The following JAKMIP1 variants were observed in gnomAD, a reference collection of about 807,000 sequenced individuals.
The protein encoded by JAKMIP1 is janus kinase and microtubule-interacting protein 1.
A neutral mutation model predicts 113.0 loss-of-function variants in JAKMIP1; 33 were observed. The ratio of observed to expected loss-of-function variants is 0.29; its 90% confidence interval spans 0.22 to 0.39. The LOEUF (loss-of-function observed/expected upper bound fraction) is 0.39, where lower values mean the gene tolerates loss of function less well. JAKMIP1 is among the 10% of genes least tolerant of loss of function. The pLI is 1.00. For missense variants in JAKMIP1, 813 were observed against 1,080.5 expected (o/e 0.75, Z 3.47); for synonymous variants, 480 against 459.9 (o/e 1.04, Z -0.56).
intron 3 of JAKMIP1, among the ~76,000 whole-genome samples, chr4:6,096,982 T>C (rs1440976588): frequency 2.6e-5 from 4 of 152,194 alleles, no homozygotes; most frequent in African/African-American, 9.6e-5. Context: ...TTGTTTGGCA[T>C]CACCATCATT....
At position 6,162,936 on chromosome 4, in the gene JAKMIP1, A is replaced by G. The variant is rs1000274003; in HGVS notation, c.-148+37317T>C. Among the ~76,000 whole-genome samples the G allele has an allele frequency of 1.3e-5, 2 of 152,200 alleles. No homozygotes were observed. Among genetic ancestry groups the G allele is most frequent in the African/African-American group, 2.4e-5 (1 of 41,460 alleles). On this transcript the variant is annotated intron_variant, in intron 1 of 20. Transcript: ENST00000409021. This position sits in a 1 kb window ranked among gnomAD's most constrained non-coding sequence, Gnocchi z 5.6. ...CAAGGCTTCCAGGCAAAGCCTCATC[A>G]TGACCATGTGAGGCCACAGCATCAG...
chr4:6,048,799 T>G (rs1180585551), intron 16 of JAKMIP1, 58 bp downstream of exon 16: 30 of 1,436,428 alleles, frequency 2.1e-5, no homozygotes, highest in Non-Finnish European at 2.9e-5. Context: ...TACAGTTTCT[T>G]GTATGGTGCT....
intron 3 of JAKMIP1, among the ~76,000 whole-genome samples, chr4:6,102,714 T>C (rs1713249580): frequency 7.0e-6 from 1 of 143,214 alleles, no homozygotes; most frequent in South Asian, 2.3e-4. Context: ...TTTCTCCCTC[T>C]CTAAAGACTT....
rs200201275 is a variant in JAKMIP1, at chr4:6,052,214, AT to A, written c.1807-1536del. 6.9e-3 allele frequency among the ~76,000 whole-genome samples: 887 copies of A among 128,742 alleles called. 4 individuals carry two copies. The highest frequency in any genetic ancestry group is 0.039 in the African/African-American group (830 of 21,318). The allele number at this position is 128,742 out of a possible 152,430, so 84.5% of individuals were successfully genotyped here. A position where few individuals can be genotyped will look rare whatever the true frequency, so the allele number is the denominator to read the frequency against. Reference sequence around the variant, plus strand: ...CCCTTATTAGCCAAAATTTAAAAAAATAAAATAAAAAAAAAACAAGCAAAAA... The same window carrying A: ...CCCTTATTAGCCAAAATTTAAAAAAAAAAATAAAAAAAAAACAAGCAAAAA... On this transcript the variant is annotated intron_variant, in intron 13 of 20. Coordinates refer to ENST00000409021, the MANE Select transcript of JAKMIP1 (RefSeq NM_001099433.2).
rs4689342 is a variant in JAKMIP1 at position 6,134,707 on chromosome 4, C to A, written c.-147-21710G>T. Among the ~76,000 whole-genome samples, 355 of 152,318 alleles carry A rather than the reference C, an allele frequency of 2.3e-3. 8 individuals are homozygous for A. Among genetic ancestry groups the A allele is most frequent in the Admixed American group, 0.021 (321 of 15,302 alleles). ...AGCCTGGCTCGGTGTCTGCCAGAAT[C>A]AAAGCAGCTCTTGAGTGCCTGTGAA... On this transcript the variant is annotated intron_variant, in intron 1 of 20. Transcript: ENST00000409021.
intron 3 of JAKMIP1, among the ~76,000 whole-genome samples, chr4:6,101,340 A>G (rs1317542469): frequency 6.6e-6 from 1 of 152,038 alleles, no homozygotes; most frequent in African/African-American, 2.4e-5. Context: ...GTCCATTGAA[A>G]GATCATCCTC....
chr4:6,098,010 A>G (rs1031121734), intron 3 of JAKMIP1, among the ~76,000 whole-genome samples: 1 of 152,246 alleles, frequency 6.6e-6, no homozygotes, highest in African/African-American at 2.4e-5. Context: ...AGAGATAACA[A>G]AAGTGTAGTG....
chr4:6,143,204 G>T lies in JAKMIP1; in HGVS notation c.-147-30207C>A, dbSNP rs1038192286. On this transcript the variant is annotated intron_variant, in intron 1 of 20. Coordinates refer to ENST00000409021, the MANE Select transcript of JAKMIP1 (RefSeq NM_001099433.2). This position sits in a 1 kb window ranked among gnomAD's most constrained non-coding sequence, Gnocchi z 4.9. ...ACGCACAGCACCTTGCACAGTGCCT[G>T]GTGCGTGGTAGAGTTTGCAGAAAGC... Among the ~76,000 whole-genome samples the T allele has an allele frequency of 6.6e-6, 1 of 152,166 alleles. No individual in the cohort carries two copies. The highest frequency in any genetic ancestry group is 1.5e-5 in the Non-Finnish European group (1 of 68,028).
intron 17 of JAKMIP1, among the ~76,000 whole-genome samples, chr4:6,041,695 C>T (rs1714332226): frequency 6.6e-6 from 1 of 152,224 alleles, no homozygotes; most frequent in African/African-American, 2.4e-5. Context: ...TCCCATTCAT[C>T]AATGAGAAAA....
rs1456245588 is a variant in JAKMIP1, at chr4:6,167,509, G to A, written c.-148+32744C>T. Reference sequence around the variant, plus strand: ...ATGGTGTCACAGCTGTGCAACCTGGGCCACTGCAAAGGGCCCTGAGCTTTG... The same window carrying A: ...ATGGTGTCACAGCTGTGCAACCTGGACCACTGCAAAGGGCCCTGAGCTTTG... On this transcript the variant is annotated intron_variant, in intron 1 of 20. Coordinates refer to ENST00000409021, the MANE Select transcript of JAKMIP1 (RefSeq NM_001099433.2). The surrounding 1 kb of genome is among the most constrained non-coding windows in gnomAD (Gnocchi z 5.3). Among the ~76,000 whole-genome samples, 2 of 152,168 alleles carry A rather than the reference G, an allele frequency of 1.3e-5. No individual in the cohort carries two copies. Among genetic ancestry groups the A allele is most frequent in the Non-Finnish European group, 2.9e-5 (2 of 68,034 alleles).
At chr4:6,144,134 A>T (rs1279339602) in intron 1 of JAKMIP1, among the ~76,000 whole-genome samples, 1 of 152,144 alleles carries the variant, frequency 6.6e-6, no homozygotes, top group Non-Finnish European at 1.5e-5. Context: ...AAAAAGTGCA[A>T]ATCTGATGCA....
chr4:6,161,728 G>A (rs969073112), intron 1 of JAKMIP1, among the ~76,000 whole-genome samples: 1 of 152,008 alleles, frequency 6.6e-6, no homozygotes, highest in Non-Finnish European at 1.5e-5. Flanking sequence ...TGTCCTCATT[G>A]GTCCTGGGGT....
rs1722551100 is a variant in JAKMIP1 at position 6,094,574 on chromosome 4, G to A, written c.625-8945C>T. ...CCCCTGTTCTCCTAGTTGAGATCCT[G>A]AGGCCCAAGGCCTTAAGCTGTGCCT... On this transcript the variant is annotated intron_variant, in intron 3 of 20. Transcript: ENST00000409021. The surrounding 1 kb of genome is among the most constrained non-coding windows in gnomAD (Gnocchi z 4.2). 6.6e-6 allele frequency among the ~76,000 whole-genome samples: 1 copy of A among 152,226 alleles called. No individual in the cohort carries two copies. The highest frequency in any genetic ancestry group is 1.5e-5 in the Non-Finnish European group (1 of 68,048).
intron 3 of JAKMIP1, among the ~76,000 whole-genome samples, chr4:6,098,682 AAG>A (rs1491565037): frequency 4.0e-4 from 3 of 7,564 alleles, no homozygotes; most frequent in East Asian, 0.026. Flanking sequence ...GAAAGAAAGA[AAG>A]AAAGAAAGAA....
intron 3 of JAKMIP1, among the ~76,000 whole-genome samples, chr4:6,101,732 CAAAAAAAAAAAA>C (rs56084278): frequency 2.1e-5 from 2 of 96,570 alleles, no homozygotes; most frequent in Non-Finnish European, 4.0e-5. Flanking sequence ...ACTAAAAATA[CAAAAAAAAAAAA>C]AAAAAAAAAA....
intron 1 of JAKMIP1, among the ~76,000 whole-genome samples, chr4:6,195,130 C>T (rs986217444): frequency 6.6e-6 from 1 of 152,218 alleles, no homozygotes; most frequent in African/African-American, 2.4e-5. Flanking sequence ...CAGGGGGCTG[C>T]AGACAATGGG....
At position 6,086,837 on chromosome 4, in the gene JAKMIP1, G is replaced by A. The variant is rs371293380; in HGVS notation, c.625-1208C>T. ...GAAGAGAGACACAGAGGGGAAGGCC[G>A]TGTAAGGACGGAGGCAGAGGCTGGA... On this transcript the variant is annotated intron_variant, in intron 3 of 20. Coordinates refer to ENST00000409021, the MANE Select transcript of JAKMIP1 (RefSeq NM_001099433.2). The surrounding 1 kb of genome is among the most constrained non-coding windows in gnomAD (Gnocchi z 4.1). Among the ~76,000 whole-genome samples the A allele has an allele frequency of 1.2e-4, 18 of 152,194 alleles. No individual in the cohort carries two copies. In the South Asian group the frequency reaches 2.3e-3, roughly 19 times the overall value.
intron 7 of JAKMIP1, among the ~76,000 whole-genome samples, chr4:6,079,833 C>T (rs1002213231): frequency 2.6e-5 from 4 of 152,210 alleles, no homozygotes; most frequent in African/African-American, 9.7e-5. Context: ...AACAAAAAGC[C>T]TTCTCTGGAA....
At chr4:6,062,166 C>T (rs1432543514) in intron 10 of JAKMIP1, 146 bp downstream of exon 10, 2 of 815,682 alleles carry the variant, frequency 2.5e-6, no homozygotes, top group African/African-American at 3.4e-5. Flanking sequence ...AGAATGTCAC[C>T]ACAGCAGAGA....
Sources: allele counts gnomAD v4.1 joint callset (sites outside exome capture counted in the v4.1 genomes callset), GRCh38; gene constraint gnomAD v4.1.1; non-coding constraint Gnocchi (gnomAD v3.1); transcripts MANE v1.5; gene names NCBI Gene and HGNC (gene_info 2026-07-23, HGNC 2026-07-21).